RABGAP1: variants seen among roughly 807,000 people sequenced by gnomAD.
The protein encoded by RABGAP1 is RAB GTPase activating protein 1.
Under a neutral mutation model 137.6 loss-of-function variants are expected in RABGAP1, and 23 were observed. The observed-to-expected ratio is 0.17, with a 90% CI of 0.12 to 0.24. The LOEUF (loss-of-function observed/expected upper bound fraction) is 0.24. RABGAP1 is among the 10% of genes least tolerant of loss of function. The pLI, the probability that RABGAP1 is intolerant of heterozygous loss-of-function variation, is 1.00. For synonymous variants in RABGAP1, 451 were observed against 450.7 expected (o/e 1.00, Z -0.01); for missense variants, 906 against 1,275.8 (o/e 0.71, Z 4.42).
intron 2 of RABGAP1, among the ~76,000 whole-genome samples, chr9:122,972,715 G>A: frequency 6.6e-6 from 1 of 151,648 alleles, no homozygotes. Context: ...AGCAAAGGGT[G>A]CTATAGAACA....
chr9:123,058,866 G>C (rs546787092), intron 13 of RABGAP1, among the ~76,000 whole-genome samples: 3 of 152,304 alleles, frequency 2.0e-5, no homozygotes, highest in African/African-American at 7.2e-5. Flanking sequence ...ATATATGTCT[G>C]GGTTTAAAGG....
At chr9:122,963,476 A>G (rs1834962852) in intron 2 of RABGAP1, among the ~76,000 whole-genome samples, 1 of 152,164 alleles carries the variant, frequency 6.6e-6, no homozygotes, top group African/African-American at 2.4e-5. Flanking sequence ...AACAGAAGTA[A>G]AACTGAAAAT....
rs1015319639 is a variant in RABGAP1 at position 123,103,935 on chromosome 9, T to C, written c.*722T>C. The C allele has an allele frequency of 1.3e-5, 2 of 150,704 alleles. No homozygotes were observed. The highest frequency in any genetic ancestry group is 3.0e-5 in the Non-Finnish European group (2 of 67,742). 9.3% of individuals were successfully genotyped at this position (150,704 alleles called of 1,614,324 possible). Reference sequence around the variant, plus strand: ...TTGACTGTGAGACTGGATTATAACATGGACAAATCTTATTTTGCTTAATGT... The same window carrying C: ...TTGACTGTGAGACTGGATTATAACACGGACAAATCTTATTTTGCTTAATGT... On this transcript the variant is annotated 3_prime_UTR_variant, in exon 26 of 26. Coordinates refer to ENST00000373647, the MANE Select transcript of RABGAP1 (RefSeq NM_012197.4).
At chr9:123,034,893 A>G (rs1207405449) in intron 13 of RABGAP1, 22 of 1,613,704 alleles carry the variant, frequency 1.4e-5, no homozygotes, top group Non-Finnish European at 1.9e-5. Context: ...GTTTTGTAGT[A>G]TCAGTTCTGA....
intron 19 of RABGAP1, among the ~76,000 whole-genome samples, chr9:123,077,337 A>G (rs1264451089): frequency 6.6e-6 from 1 of 151,474 alleles, no homozygotes; most frequent in East Asian, 1.9e-4. Context: ...TTTTTTGTAG[A>G]TTTGGGTTCT....
intron 13 of RABGAP1, among the ~76,000 whole-genome samples, chr9:123,054,538 GTAT>G (rs1424103281): frequency 1.3e-5 from 2 of 152,004 alleles, no homozygotes; most frequent in African/African-American, 4.8e-5. Context: ...TTATTACCTT[GTAT>G]TATTATGGTA....
chr9:122,996,352 G>C, intron 7 of RABGAP1, 187 bp from the exon 8 acceptor site: 1 of 1,150,752 alleles, frequency 8.7e-7, no homozygotes, highest in Non-Finnish European at 1.2e-6. Context: ...TCAACTATGT[G>C]GTAATAAAAG....
chr9:122,940,647 C>G (rs1833491713), upstream of RABGAP1, among the ~76,000 whole-genome samples: 1 of 152,174 alleles, frequency 6.6e-6, no homozygotes, highest in South Asian at 2.1e-4. Flanking sequence ...GAAAGGTGAG[C>G]AGGGGGATTC....
At chr9:123,067,516 T>A (rs1479792971) in intron 14 of RABGAP1, among the ~76,000 whole-genome samples, 1 of 152,244 alleles carries the variant, frequency 6.6e-6, no homozygotes. Flanking sequence ...GTGTTGAAGA[T>A]ATTTTGTATT....
chr9:123,008,648 TTC>T (rs1217711200), intron 10 of RABGAP1, among the ~76,000 whole-genome samples: 1 of 152,126 alleles, frequency 6.6e-6, no homozygotes, highest in African/African-American at 2.4e-5. Flanking sequence ...AAATTTTAAA[TTC>T]TCTTTCTTAT....
intron 19 of RABGAP1, among the ~76,000 whole-genome samples, chr9:123,082,878 G>C: frequency 6.6e-6 from 1 of 152,334 alleles, no homozygotes; most frequent in Non-Finnish European, 1.5e-5. Context: ...TTTTATTCCA[G>C]AGCTTAAAAA....
rs1458231338 is a variant in RABGAP1 at position 122,989,445 on chromosome 9, G to A, written c.739G>A (p.Val247Ile). The A allele has an allele frequency of 5.0e-6, 8 of 1,613,816 alleles. No individual in the cohort carries two copies. Among genetic ancestry groups the A allele is most frequent in the African/African-American group, 2.7e-5 (2 of 74,908 alleles). ...CAATGCAGAGCTCTTCAGAATACAC[G>A]TCTTCCGGTGTGAAATACAAGAAGC... ...HYNAELFRIH[V>I]FRCEIQEAVS... The change falls in exon 5 of 26, where the codon GTC becomes ATC. Residue 247 changes from valine to isoleucine, a missense_variant. By Grantham distance (29) the Val-to-Ile change is conservative. This residue lies in a region of RABGAP1 where 331 missense variants were observed against 358.3 expected (regional missense o/e 0.92). Coordinates refer to ENST00000373647, the MANE Select transcript of RABGAP1 (RefSeq NM_012197.4).
chr9:123,027,692 C>T (rs1465027591), intron 13 of RABGAP1, among the ~76,000 whole-genome samples: 1 of 152,170 alleles, frequency 6.6e-6, no homozygotes, highest in East Asian at 1.9e-4. Flanking sequence ...AGTTCTGCCG[C>T]TTCATTTCCT....
chr9:122,989,539 T>C, intron 5 of RABGAP1, 68 bp downstream of exon 5: 1 of 1,475,220 alleles, frequency 6.8e-7, no homozygotes, highest in Non-Finnish European at 9.4e-7. Flanking sequence ...TTGAAATGAT[T>C]ATGGTATTTA....
At chr9:122,953,550 C>T (rs1212447492) in intron 1 of RABGAP1, among the ~76,000 whole-genome samples, 2 of 152,068 alleles carry the variant, frequency 1.3e-5, no homozygotes, top group African/African-American at 2.4e-5. Context: ...TACAGGCGTG[C>T]GCCACCATGC....
chr9:123,102,982 G>A (rs1299733813), intron 25 of RABGAP1, 109 bp from the exon 26 acceptor site: 15 of 1,376,556 alleles, frequency 1.1e-5, no homozygotes, highest in South Asian at 8.4e-5. Context: ...GGAATTCCCC[G>A]AGGCCTCTCC....
At chr9:122,963,737 ACAGT>A (rs1326135402) in intron 2 of RABGAP1, among the ~76,000 whole-genome samples, 1 of 132,566 alleles carries the variant, frequency 7.5e-6, no homozygotes, top group Admixed American at 8.0e-5. Context: ...TAAACCTAAA[ACAGT>A]CAGAAGGAAG....
At chr9:123,024,513 C>T (rs1255527577) in intron 13 of RABGAP1, among the ~76,000 whole-genome samples, 1 of 151,344 alleles carries the variant, frequency 6.6e-6, no homozygotes, top group African/African-American at 2.4e-5. Context: ...GATCTCAGCT[C>T]ACTGCAACCT....
At chr9:122,974,626 T>C (rs2131701811) in intron 2 of RABGAP1, among the ~76,000 whole-genome samples, 1 of 152,154 alleles carries the variant, frequency 6.6e-6, no homozygotes, top group East Asian at 1.9e-4. Flanking sequence ...ACCCTGTCTC[T>C]ATTTTTAAAA....
Sources: gnomAD v4.1 joint callset for allele counts (sites outside exome capture counted in the v4.1 genomes callset) on GRCh38, gnomAD v4.1.1 for gene constraint, gnomAD v4.1.1 regional missense constraint, MANE v1.5 for transcripts, NCBI Gene and HGNC (gene_info 2026-07-23, HGNC 2026-07-21) for gene names.